SGCZ: variants seen among roughly 807,000 people sequenced by gnomAD.
SGCZ encodes the protein zeta-sarcoglycan.
Under a neutral mutation model 41.3 loss-of-function variants are expected in SGCZ, and 40 were observed. The ratio of observed to expected loss-of-function variants is 0.97; its 90% confidence interval spans 0.75 to 1.26. The LOEUF is 1.26. SGCZ is among the 50% of genes most tolerant of loss of function. The pLI is 0.00. For synonymous variants in SGCZ, 206 were observed against 137.5 expected, an observed-to-expected ratio of 1.50 and a Z score of -3.49; for missense variants, 552 against 369.8, an observed-to-expected ratio of 1.49 and a Z score of -4.04.
intron 1 of SGCZ, among the ~76,000 whole-genome samples, chr8:14,589,565 G>C (rs1224771531): frequency 2.6e-5 from 4 of 152,014 alleles, no homozygotes; most frequent in Non-Finnish European, 5.9e-5. Flanking sequence ...CAAATTACTT[G>C]ATCTCTTTAA....
At chr8:14,163,981 A>C (rs1375499409) in intron 5 of SGCZ, among the ~76,000 whole-genome samples, 4 of 152,170 alleles carry the variant, frequency 2.6e-5, no homozygotes, top group Non-Finnish European at 5.9e-5. Context: ...TGTGCTTAAA[A>C]TTGTCATCAA....
intron 1 of SGCZ, among the ~76,000 whole-genome samples, chr8:14,815,498 T>C (rs1406354408): frequency 6.6e-6 from 1 of 152,136 alleles, no homozygotes; most frequent in East Asian, 1.9e-4. Context: ...AAATATTTCT[T>C]CCGGCAGTAT....
chr8:14,232,663 A>G (rs1006058758), intron 4 of SGCZ, among the ~76,000 whole-genome samples: 2 of 152,048 alleles, frequency 1.3e-5, no homozygotes, highest in African/African-American at 4.8e-5. Context: ...CAGGTTAGTT[A>G]CATATGTATA....
intron 4 of SGCZ, among the ~76,000 whole-genome samples, chr8:14,169,834 G>A (rs1804323055): frequency 6.6e-6 from 1 of 152,260 alleles, no homozygotes; most frequent in Non-Finnish European, 1.5e-5. Flanking sequence ...AAGGCTAGCT[G>A]TACCTCCATA....
intron 1 of SGCZ, among the ~76,000 whole-genome samples, chr8:15,068,668 T>C (rs1805241009): frequency 6.6e-6 from 1 of 152,182 alleles, no homozygotes; most frequent in Non-Finnish European, 1.5e-5. Flanking sequence ...AAATCCAATA[T>C]GTGAAGCTTG....
chr8:14,149,656 G>GAAAAA (rs35798060), intron 5 of SGCZ, among the ~76,000 whole-genome samples: 2 of 140,494 alleles, frequency 1.4e-5, no homozygotes, highest in Non-Finnish European at 1.5e-5. Flanking sequence ...TTCTTCATAG[G>GAAAAA]AAAAAAAAAA....
chr8:14,955,826 G>T (rs1800773652), intron 1 of SGCZ, among the ~76,000 whole-genome samples: 1 of 151,906 alleles, frequency 6.6e-6, no homozygotes, highest in Admixed American at 6.6e-5. Flanking sequence ...TGTGTTGCAA[G>T]AGCCCACTTC....
At chr8:14,557,683 T>C (rs1804075013) in intron 1 of SGCZ, among the ~76,000 whole-genome samples, 1 of 151,966 alleles carries the variant, frequency 6.6e-6, no homozygotes, top group African/African-American at 2.4e-5. Context: ...GAATAGGGTG[T>C]CCTTTCCCTA....
intron 1 of SGCZ, among the ~76,000 whole-genome samples, chr8:14,893,209 G>T (rs553550649): frequency 4.7e-4 from 72 of 152,226 alleles, no homozygotes; most frequent in African/African-American, 1.7e-3. Flanking sequence ...CAAGAGTAGG[G>T]TCAGAGAGAT....
chr8:15,161,467 C>T (rs1429359764), intron 1 of SGCZ, among the ~76,000 whole-genome samples: 1 of 152,120 alleles, frequency 6.6e-6, no homozygotes, highest in African/African-American at 2.4e-5. Flanking sequence ...AGGATGTCTG[C>T]TTCATGAGGG....
chr8:14,950,487 G>C (rs900139642), intron 1 of SGCZ, among the ~76,000 whole-genome samples: 1 of 151,782 alleles, frequency 6.6e-6, no homozygotes, highest in African/African-American at 2.4e-5. Flanking sequence ...AGAAGACCAA[G>C]CACTGAATAT....
At chr8:14,155,496 T>G (rs1010693042) in intron 5 of SGCZ, among the ~76,000 whole-genome samples, 3 of 152,086 alleles carry the variant, frequency 2.0e-5, no homozygotes, top group Non-Finnish European at 2.9e-5. Flanking sequence ...TCATATCATT[T>G]TCTCCCGTTA....
intron 1 of SGCZ, among the ~76,000 whole-genome samples, chr8:14,931,722 C>G (rs1453017988): frequency 6.6e-6 from 1 of 152,046 alleles, no homozygotes; most frequent in African/African-American, 2.4e-5. Flanking sequence ...ATTCTTTCTT[C>G]TAACATTAAA....
chr8:14,440,689 ACGTATATGTATATATG>A (rs1800225959), intron 2 of SGCZ, among the ~76,000 whole-genome samples: 2 of 62,748 alleles, frequency 3.2e-5, no homozygotes, highest in Admixed American at 3.6e-4. Context: ...ATACGTATAC[ACGTATATGTATATATG>A]TATATACATA....
At chr8:14,569,017 G>A (rs1047600716) in intron 1 of SGCZ, among the ~76,000 whole-genome samples, 1 of 152,146 alleles carries the variant, frequency 6.6e-6, no homozygotes, top group African/African-American at 2.4e-5. Context: ...TTCTTATCAT[G>A]TATTGTGCCA....
chr8:14,603,915 C>G (rs903792319), intron 1 of SGCZ, among the ~76,000 whole-genome samples: 2 of 152,014 alleles, frequency 1.3e-5, no homozygotes, highest in Non-Finnish European at 2.9e-5. Context: ...TTATGCTTGA[C>G]CCGCTGATCT....
At chr8:14,962,909 T>C (rs978896625) in intron 1 of SGCZ, among the ~76,000 whole-genome samples, 4 of 152,150 alleles carry the variant, frequency 2.6e-5, no homozygotes, top group East Asian at 1.9e-4. Flanking sequence ...AAAAAATCCA[T>C]ATTAAATGTC....
chr8:14,684,460 G>C (rs539040184), intron 1 of SGCZ, among the ~76,000 whole-genome samples: 379 of 152,194 alleles, frequency 2.5e-3, no homozygotes, highest in Non-Finnish European at 4.7e-3. Context: ...ACTGACTCTG[G>C]CTAAAAGAGC....
At chr8:15,198,300 C>T (rs547625827) in intron 1 of SGCZ, among the ~76,000 whole-genome samples, 1 of 151,884 alleles carries the variant, frequency 6.6e-6, no homozygotes, top group East Asian at 1.9e-4. Context: ...ATGCATTGTA[C>T]ATTGAACTCA....
Sources: allele counts gnomAD v4.1 joint callset (sites outside exome capture counted in the v4.1 genomes callset), GRCh38; gene constraint gnomAD v4.1.1; transcripts MANE v1.5; gene names NCBI Gene and HGNC (gene_info 2026-07-23, HGNC 2026-07-21).